The following TNFSF8 variants were observed in gnomAD, a reference collection of about 807,000 sequenced individuals.
The protein encoded by TNFSF8 is TNF superfamily member 8.
In TNFSF8, 4 loss-of-function variants were observed where a neutral mutation model predicts 22.0. That is an observed-to-expected ratio of 0.18 (90% CI 0.09 to 0.42). The LOEUF (loss-of-function observed/expected upper bound fraction) is 0.42. TNFSF8 is among the 10% of genes least tolerant of loss of function. The pLI is 1.00. For missense variants in TNFSF8, 233 were observed against 281.8 expected, an observed-to-expected ratio of 0.83 and a Z score of 1.24; for synonymous variants, 106 against 112.5, an observed-to-expected ratio of 0.94 and a Z score of 0.37.
In TNFSF8 at chr9:114,903,651, A is replaced by G; in HGVS notation, c.*280T>C. 1 of 1,076,874 alleles carries G rather than the reference A, an allele frequency of 9.3e-7. No homozygotes were observed. The highest frequency in any genetic ancestry group is 5.1e-5 in the East Asian group (1 of 19,726). The allele number at this position is 1,076,874 out of a possible 1,614,324, so 66.7% of individuals were successfully genotyped here. A position where few individuals can be genotyped will look rare whatever the true frequency, so the allele number is the denominator to read the frequency against. ...AGATCAAGACCATACAGTGAATTAGAGGTTGGGCTGGGACATCCATTCATC... is the reference window on the plus strand; with the variant it reads ...AGATCAAGACCATACAGTGAATTAGGGGTTGGGCTGGGACATCCATTCATC... On this transcript the variant is annotated 3_prime_UTR_variant, in exon 4 of 4. Coordinates refer to ENST00000223795, the MANE Select transcript of TNFSF8 (RefSeq NM_001244.4).
chr9:114,908,188 T>C (rs936630925), intron 2 of TNFSF8, among the ~76,000 whole-genome samples: 6 of 152,254 alleles, frequency 3.9e-5, no homozygotes, highest in African/African-American at 1.4e-4. Flanking sequence ...CAGAGACTCC[T>C]GTTTATAAAC....
intron 1 of TNFSF8, among the ~76,000 whole-genome samples, chr9:114,919,977 C>CA (rs1360865261): frequency 1.3e-5 from 2 of 152,154 alleles, no homozygotes; most frequent in African/African-American, 2.4e-5. Context: ...GGAAGGGAGG[C>CA]AAACTTGTCC....
intron 2 of TNFSF8, among the ~76,000 whole-genome samples, chr9:114,913,349 A>C (rs1367184251): frequency 6.6e-6 from 1 of 152,222 alleles, no homozygotes; most frequent in African/African-American, 2.4e-5. Context: ...CCCAAGGCAC[A>C]TGACCCTTCA....
chr9:114,899,193 A>G (rs1477918989), downstream of TNFSF8, among the ~76,000 whole-genome samples: 1 of 152,194 alleles, frequency 6.6e-6, no homozygotes, highest in Non-Finnish European at 1.5e-5. Context: ...AAATAATACT[A>G]GAGCCTGAGC....
chr9:114,903,695 G>T lies in TNFSF8; in HGVS notation c.*236C>A. 1 of 1,233,024 alleles carries T rather than the reference G, an allele frequency of 8.1e-7. No homozygotes were observed. Among genetic ancestry groups the T allele is most frequent in the South Asian group, 2.8e-5 (1 of 36,078 alleles). The allele number at this position is 1,233,024 out of a possible 1,614,324, so 76.4% of individuals were successfully genotyped here. ...ATTCATCCCTTCTGATTCTGTGTGG[G>T]GCTCTGCCCACCACACTACATTGCT... is the stretch of plus-strand genomic sequence containing the variant. On this transcript the variant is annotated 3_prime_UTR_variant, in exon 4 of 4. Transcript: ENST00000223795.
rs185378375 is a variant in TNFSF8 at position 114,910,570 on chromosome 9, C to T, written c.239-4671G>A. On this transcript the variant is annotated intron_variant, in intron 2 of 3. Coordinates refer to ENST00000223795, the MANE Select transcript of TNFSF8 (RefSeq NM_001244.4). ...GAAGTGGGTTTGCAGCCACTACAGA[C>T]ACTGGAACTGAAAACTGACAAGACA... Among the ~76,000 whole-genome samples the T allele has an allele frequency of 7.2e-5, 11 of 152,242 alleles. No homozygotes were observed. In the East Asian group the frequency reaches 1.7e-3, roughly 24 times the overall value.
intron 4 of TNFSF8, among the ~76,000 whole-genome samples, chr9:114,895,035 A>G (rs1186415075): frequency 6.6e-6 from 1 of 152,194 alleles, no homozygotes; most frequent in Non-Finnish European, 1.5e-5. Flanking sequence ...CAAGGAGGTT[A>G]GGTCATCTGC....
chr9:114,905,517 T>G, intron 3 of TNFSF8, among the ~76,000 whole-genome samples: 11 of 133,924 alleles, frequency 8.2e-5, no homozygotes, highest in Admixed American at 4.7e-4. Flanking sequence ...TAAGGAGGGG[T>G]GAGGGGTGAG....
chr9:114,924,908 C>G (rs986703384), intron 1 of TNFSF8, among the ~76,000 whole-genome samples: 1 of 152,182 alleles, frequency 6.6e-6, no homozygotes, highest in African/African-American at 2.4e-5. Flanking sequence ...GGGCTCGCTC[C>G]TGGGAAGATT....
chr9:114,894,866 C>G (rs1032451486), intron 4 of TNFSF8, among the ~76,000 whole-genome samples: 2 of 152,166 alleles, frequency 1.3e-5, no homozygotes, highest in Non-Finnish European at 2.9e-5. Context: ...AGAAATGAAG[C>G]CTCCTTCAGT....
At chr9:114,894,370 A>C (rs958896526) in intron 4 of TNFSF8, among the ~76,000 whole-genome samples, 2 of 152,198 alleles carry the variant, frequency 1.3e-5, no homozygotes, top group Non-Finnish European at 1.5e-5. Flanking sequence ...GTTCTTGAGC[A>C]ATAATGTCTG....
intron 2 of TNFSF8, among the ~76,000 whole-genome samples, chr9:114,907,789 T>G (rs1827802993): frequency 6.6e-6 from 1 of 152,226 alleles, no homozygotes; most frequent in African/African-American, 2.4e-5. Flanking sequence ...ATTATTTCAT[T>G]TAATTCTCAC....
Position 114,902,169 on chromosome 9 carries a change from T to A in TNFSF8, c.*1762A>T. ...TGATGTACAGATGCCAAGTTGGATA[T>A]AGCTAGAGAAATCTCATGGCTACCC... On this transcript the variant is annotated 3_prime_UTR_variant, in exon 4 of 4. Coordinates refer to ENST00000223795, the MANE Select transcript of TNFSF8 (RefSeq NM_001244.4). 1.0e-6 allele frequency: 1 copy of A among 985,386 alleles called. No individual in the cohort carries two copies. The highest frequency in any genetic ancestry group is 1.2e-6 in the Non-Finnish European group (1 of 829,922). 61.0% of individuals were successfully genotyped at this position (985,386 alleles called of 1,614,324 possible). A position where few individuals can be genotyped will look rare whatever the true frequency, so the allele number is the denominator to read the frequency against.
chr9:114,919,652 T>C (rs557806240), intron 1 of TNFSF8, among the ~76,000 whole-genome samples: 182 of 152,320 alleles, frequency 1.2e-3, no homozygotes, highest in African/African-American at 4.2e-3. Context: ...TAGAGAGGTG[T>C]GAGCGTGTGT....
At chr9:114,904,370 G>C (rs1158609270) in intron 3 of TNFSF8, 45 bp from the exon 4 acceptor site, 1 of 1,536,290 alleles carries the variant, frequency 6.5e-7, no homozygotes, top group African/African-American at 1.4e-5. Flanking sequence ...GAAGATTGTA[G>C]GTACGCATTG....
rs971811742 is a variant in TNFSF8 at position 114,901,655 on chromosome 9, T to C, written c.*2276A>G. On this transcript the variant is annotated 3_prime_UTR_variant, in exon 4 of 4. Transcript: ENST00000223795. ...AATGCCAGCCATTTCCCTGTTTTTT[T>C]AGCCTTGAGTCTCAAAGTCTGTTTT... 8 of 985,346 alleles carry C rather than the reference T, an allele frequency of 8.1e-6. No individual in the cohort carries two copies. The highest frequency in any genetic ancestry group is 8.4e-6 in the Non-Finnish European group (7 of 829,946). 61.0% of individuals were successfully genotyped at this position (985,346 alleles called of 1,614,324 possible).
At chr9:114,900,340 C>T (rs1827701816), downstream of TNFSF8, among the ~76,000 whole-genome samples, 1 of 152,200 alleles carries the variant, frequency 6.6e-6, no homozygotes, top group Non-Finnish European at 1.5e-5. Context: ...CTAGAACACT[C>T]CTGAGAGATC....
In TNFSF8 at chr9:114,905,657, G is replaced by A. The variant is rs3181196; in HGVS notation, c.310+171C>T. Among the ~76,000 whole-genome samples the A allele has an allele frequency of 7.1e-3, 1,084 of 152,264 alleles. 4 individuals carry two copies. The highest frequency in any genetic ancestry group is 0.011 in the Non-Finnish European group (720 of 68,022). ...AGCTTTGGAGAATGACGCTCTCCCC[G>A]CTAAGACATTCAAATTCAAATTACA... On this transcript the variant is annotated intron_variant, in intron 3 of 3. Transcript: ENST00000223795.
At chr9:114,915,915 AGGTTGGT>A (rs1218997287) in intron 2 of TNFSF8, among the ~76,000 whole-genome samples, 1 of 152,146 alleles carries the variant, frequency 6.6e-6, no homozygotes, top group African/African-American at 2.4e-5. Flanking sequence ...TTGTAAACTG[AGGTTGGT>A]TTTGATTACT....
Sources: allele counts gnomAD v4.1 joint callset (sites outside exome capture counted in the v4.1 genomes callset), GRCh38; gene constraint gnomAD v4.1.1; transcripts MANE v1.5; gene names NCBI Gene and HGNC (gene_info 2026-07-23, HGNC 2026-07-21).